ARHGAP15: variants seen among roughly 807,000 people sequenced by gnomAD.
The protein encoded by ARHGAP15 is Rho GTPase activating protein 15, also known as rho GTPase-activating protein 15.
Under a neutral mutation model 63.7 loss-of-function variants are expected in ARHGAP15, and 51 were observed. The observed-to-expected ratio is 0.80, with a 90% CI of 0.64 to 1.01. The LOEUF (loss-of-function observed/expected upper bound fraction) is 1.01. Ranked by LOEUF, ARHGAP15 falls within the 50% of genes least tolerant of loss-of-function variation. The pLI is 0.00. For missense variants in ARHGAP15, 560 were observed against 564.6 expected, an observed-to-expected ratio of 0.99 and a Z score of 0.08; for synonymous variants, 191 against 193.8, an observed-to-expected ratio of 0.99 and a Z score of 0.12.
At chr2:143,506,110 A>T (rs561834474) in intron 9 of ARHGAP15, among the ~76,000 whole-genome samples, 1 of 152,318 alleles carries the variant, frequency 6.6e-6, no homozygotes, top group East Asian at 1.9e-4. Context: ...ACCACCTGGG[A>T]TTCTAACAAA....
At chr2:143,213,864 A>G (rs1692646838) in intron 3 of ARHGAP15, among the ~76,000 whole-genome samples, 1 of 152,238 alleles carries the variant, frequency 6.6e-6, no homozygotes, top group African/African-American at 2.4e-5. Flanking sequence ...CACTGATGAC[A>G]ATGATGTCAC....
At chr2:143,407,799 T>C (rs1688265928) in intron 6 of ARHGAP15, among the ~76,000 whole-genome samples, 1 of 151,328 alleles carries the variant, frequency 6.6e-6, no homozygotes, top group Non-Finnish European at 1.5e-5. Context: ...TGAATTCTTT[T>C]GGGCTCTCAG....
intron 6 of ARHGAP15, among the ~76,000 whole-genome samples, chr2:143,348,710 C>T (rs1446035200): frequency 1.3e-5 from 2 of 152,138 alleles, no homozygotes; most frequent in Non-Finnish European, 2.9e-5. Context: ...TTCCATCTTA[C>T]ACCTAAGGAT....
intron 6 of ARHGAP15, among the ~76,000 whole-genome samples, chr2:143,333,778 A>G (rs1684651402): frequency 6.6e-6 from 1 of 152,158 alleles, no homozygotes; most frequent in Non-Finnish European, 1.5e-5. Context: ...GATTCGGGAA[A>G]TATAGATATA....
At chr2:143,501,937 C>T (rs1458732313) in intron 9 of ARHGAP15, among the ~76,000 whole-genome samples, 1 of 152,180 alleles carries the variant, frequency 6.6e-6, no homozygotes, top group East Asian at 1.9e-4. Flanking sequence ...GAAGCAGAAG[C>T]TTTTGCCAGG....
chr2:143,158,594 T>A (rs1690170960), intron 2 of ARHGAP15, among the ~76,000 whole-genome samples: 1 of 151,830 alleles, frequency 6.6e-6, no homozygotes, highest in South Asian at 2.1e-4. Flanking sequence ...ACGTGGGAAA[T>A]GTTGGAGAGG....
intron 5 of ARHGAP15, among the ~76,000 whole-genome samples, chr2:143,230,661 G>C (rs1693398352): frequency 6.6e-6 from 1 of 152,140 alleles, no homozygotes; most frequent in Admixed American, 6.5e-5. Context: ...TGCATGAATT[G>C]ACTTGCTAGT....
At chr2:143,703,362 C>A in intron 12 of ARHGAP15, 57 bp from the exon 13 acceptor site, 1 of 1,449,610 alleles carries the variant, frequency 6.9e-7, no homozygotes, top group Non-Finnish European at 9.4e-7. Flanking sequence ...TTCTCATGTA[C>A]CTGTACCTAT....
intron 3 of ARHGAP15, among the ~76,000 whole-genome samples, chr2:143,206,212 A>G (rs1452549356): frequency 6.6e-6 from 1 of 152,072 alleles, no homozygotes; most frequent in South Asian, 2.1e-4. Flanking sequence ...GACTTGTTCC[A>G]TGGCTGGATT....
intron 6 of ARHGAP15, among the ~76,000 whole-genome samples, chr2:143,394,820 T>C (rs761099107): frequency 6.6e-6 from 1 of 152,144 alleles, no homozygotes; most frequent in Non-Finnish European, 1.5e-5. Flanking sequence ...AAAATGAGTT[T>C]TCAGAGAGCA....
At chr2:143,726,014 AC>A (rs963117818) in intron 13 of ARHGAP15, among the ~76,000 whole-genome samples, 13 of 152,252 alleles carry the variant, frequency 8.5e-5, no homozygotes, top group Non-Finnish European at 1.9e-4. Flanking sequence ...AATTATTTCA[AC>A]AAACCTACCC....
chr2:143,681,294 T>C (rs1308894585), intron 12 of ARHGAP15, among the ~76,000 whole-genome samples: 2 of 152,188 alleles, frequency 1.3e-5, no homozygotes, highest in Non-Finnish European at 2.9e-5. Context: ...TTTAGTGACC[T>C]CTGAGAAATA....
At chr2:143,238,049 G>C (rs1693722759) in intron 5 of ARHGAP15, 1 of 151,980 alleles carries the variant, frequency 6.6e-6, no homozygotes, top group Admixed American at 6.6e-5. Context: ...TTCTGCATAT[G>C]GTTACCCAGT....
chr2:143,573,540 C>T (rs193038177), intron 11 of ARHGAP15, among the ~76,000 whole-genome samples: 28 of 152,118 alleles, frequency 1.8e-4, no homozygotes, highest in Non-Finnish European at 3.4e-4. Flanking sequence ...TTTGCAGAAG[C>T]GCCATTACTG....
At chr2:143,759,862 T>A (rs1370174326) in intron 13 of ARHGAP15, among the ~76,000 whole-genome samples, 1 of 152,206 alleles carries the variant, frequency 6.6e-6, no homozygotes, top group Non-Finnish European at 1.5e-5. Context: ...AGCCTGGCCT[T>A]GCCCAATATT....
chr2:143,393,899 T>G (rs963293607), intron 6 of ARHGAP15, among the ~76,000 whole-genome samples: 2 of 152,104 alleles, frequency 1.3e-5, no homozygotes, highest in African/African-American at 4.8e-5. Context: ...AAATATCTAC[T>G]CGGCAAGCAA....
chr2:143,590,725 G>T (rs1349197697), intron 11 of ARHGAP15, among the ~76,000 whole-genome samples: 1 of 152,094 alleles, frequency 6.6e-6, no homozygotes, highest in African/African-American at 2.4e-5. Flanking sequence ...CTTGAAGGCA[G>T]GGTGTGTCTT....
intron 6 of ARHGAP15, among the ~76,000 whole-genome samples, chr2:143,259,589 A>G (rs1680611535): frequency 6.6e-6 from 1 of 152,176 alleles, no homozygotes; most frequent in Admixed American, 6.5e-5. Context: ...TGGCATTTCA[A>G]CACTGGCTTC....
intron 13 of ARHGAP15, among the ~76,000 whole-genome samples, chr2:143,742,526 C>G (rs144689960): frequency 6.6e-6 from 1 of 152,182 alleles, no homozygotes; most frequent in Non-Finnish European, 1.5e-5. Flanking sequence ...AAATGTCTCC[C>G]TCTTATGTCA....
Sources: allele counts gnomAD v4.1 joint callset (sites outside exome capture counted in the v4.1 genomes callset), GRCh38; gene constraint gnomAD v4.1.1; transcripts MANE v1.5; gene names NCBI Gene and HGNC (gene_info 2026-07-23, HGNC 2026-07-21).